Variants in ZNF257 observed in about 807,000 individuals in gnomAD.
ZNF257 encodes zinc finger protein 257.
Under a neutral mutation model 11.9 loss-of-function variants are expected in ZNF257, and 12 were observed. The observed-to-expected ratio is 1.01, with a 90% CI of 0.65 to 1.63. ZNF257 has a LOEUF of 1.63. ZNF257 is among the 40% of genes most tolerant of loss of function. The pLI, the probability that ZNF257 is intolerant of heterozygous loss-of-function variation, is 0.00. For missense variants in ZNF257, 580 were observed against 665.5 expected (o/e 0.87, Z 1.41); for synonymous variants, 183 against 222.7 (o/e 0.82, Z 1.59).
chr19:22,059,477 G>A (rs2021733950), intron 1 of ZNF257, among the ~76,000 whole-genome samples: 1 of 151,812 alleles, frequency 6.6e-6, no homozygotes, highest in Admixed American at 6.6e-5. Flanking sequence ...TGGAGGGACG[G>A]GGTTTCACCA....
Position 22,087,993 on chromosome 19 carries a change from T to G in ZNF257, c.243T>G (p.Ile81Met). ...TTCTTTTAGTTATGTGTTCTCATAT[T>G]GCTGAAGACCTTTGCCCAGAGCGAG... ...VAKPPVMCSHIAEDLCPERDI... is the reference protein window; with the variant it reads ...VAKPPVMCSHMAEDLCPERDI... Residue 81 changes from isoleucine (I) to methionine (M), a missense_variant, in exon 4 of 4, where the codon ATT (isoleucine) becomes ATG (methionine). Coordinates refer to ENST00000594947, the MANE Select transcript of ZNF257 (RefSeq NM_033468.4). The G allele has an allele frequency of 1.3e-6, 2 of 1,505,028 alleles. No individual in the cohort carries two copies. Among genetic ancestry groups the G allele is most frequent in the South Asian group, 2.8e-5 (2 of 70,180 alleles). 93.2% of individuals were successfully genotyped at this position (1,505,028 alleles called of 1,614,324 possible).
In ZNF257 at chr19:22,056,054, C is replaced by CAAA. The variant is rs139730834; in HGVS notation, c.3+3434_3+3436dup. Among the ~76,000 whole-genome samples, 30 of 116,622 alleles carry CAAA rather than the reference C, an allele frequency of 2.6e-4. 1 individual carries two copies. Among genetic ancestry groups the CAAA allele is most frequent in the South Asian group, 1.6e-3 (6 of 3,802 alleles). 76.5% of individuals were successfully genotyped at this position (116,622 alleles called of 152,430 possible). A position where few individuals can be genotyped will look rare whatever the true frequency, so the allele number is the denominator to read the frequency against. On this transcript the variant is annotated intron_variant, in intron 1 of 3. Coordinates refer to ENST00000594947, the MANE Select transcript of ZNF257 (RefSeq NM_033468.4). ...TGGGCGACAGAGCGAGACTCCGTCT[C>CAAA]AAAAAAAAAAAAAAAAAGAAAAGAA...
chr19:22,088,814 G>T lies in ZNF257; in HGVS notation c.1064G>T (p.Arg355Leu). The T allele has an allele frequency of 1.2e-6, 2 of 1,607,432 alleles. No homozygotes were observed. The highest frequency in any genetic ancestry group is 1.4e-5 in the African/African-American group (1 of 72,952). The change falls in exon 4 of 4, where the codon CGG becomes CTG. Residue 355 changes from arginine to leucine, a missense_variant. Coordinates refer to ENST00000594947, the MANE Select transcript of ZNF257 (RefSeq NM_033468.4). ...QCEECGKAFN[R>L]SSHLTQHKII... ...GAAGAGTGTGGCAAAGCTTTTAACC[G>T]GTCTTCACACCTTACTCAACATAAG...
At chr19:22,075,258 GT>G in intron 3 of ZNF257, 2 of 164,766 alleles carry the variant, frequency 1.2e-5, no homozygotes, top group Non-Finnish European at 2.6e-5. Context: ...ACTAGGGCAG[GT>G]TTTTGCAGTA....
In ZNF257 at chr19:22,089,417, C is replaced by T. The variant is rs1231671702; in HGVS notation, c.1667C>T (p.Ser556Leu). ...EECGKACNHS[S>L]NLTKHNS ...TGTGGCAAAGCTTGTAACCATTCCTCAAACCTTACTAAACATAATTCATAA... is the reference window on the plus strand; with the variant it reads ...TGTGGCAAAGCTTGTAACCATTCCTTAAACCTTACTAAACATAATTCATAA... Residue 556 changes from serine to leucine, a missense_variant, in exon 4 of 4, where the codon TCA (serine) becomes TTA (leucine). Physicochemically the swap from Ser to Leu is moderately radical, Grantham distance 145. Transcript: ENST00000594947. 1.9e-6 allele frequency: 3 copies of T among 1,610,184 alleles called. No individual in the cohort carries two copies. The highest frequency in any genetic ancestry group is 2.7e-5 in the African/African-American group (2 of 74,650).
chr19:22,071,848 C>G (rs2022110794), intron 1 of ZNF257, among the ~76,000 whole-genome samples: 1 of 151,978 alleles, frequency 6.6e-6, no homozygotes, highest in Admixed American at 6.6e-5. Flanking sequence ...TGTTGAGGTT[C>G]CATCTGTGTT....
intron 3 of ZNF257, 70 bp from the exon 4 acceptor site, chr19:22,087,907 G>T (rs2022511519): frequency 7.3e-7 from 1 of 1,375,680 alleles, no homozygotes; most frequent in East Asian, 2.3e-5. Context: ...CAGTTTTATA[G>T]GTTAGATTTG....
chr19:22,052,776 G>A, intron 1 of ZNF257, 141 bp downstream of exon 1: 1 of 961,604 alleles, frequency 1.0e-6, no homozygotes, highest in South Asian at 1.4e-5. Context: ...GCTCGGCCTC[G>A]GTCCCCCTCA....
intron 3 of ZNF257, among the ~76,000 whole-genome samples, chr19:22,076,641 T>C (rs1284498683): frequency 6.6e-6 from 1 of 152,188 alleles, no homozygotes. Flanking sequence ...GTAAACATTT[T>C]ACTTATTGTT....
intron 3 of ZNF257, among the ~76,000 whole-genome samples, chr19:22,076,510 C>G (rs976241769): frequency 6.6e-6 from 1 of 152,096 alleles, no homozygotes; most frequent in African/African-American, 2.4e-5. Flanking sequence ...TACTGCCACA[C>G]AGTGCCTGTC....
In ZNF257 at chr19:22,052,501, A is replaced by G. The variant is rs1971726986; in HGVS notation, c.-132A>G. 9.3e-7 allele frequency: 1 copy of G among 1,079,954 alleles called. No individual in the cohort carries two copies. Among genetic ancestry groups the G allele is most frequent in the Non-Finnish European group, 1.4e-6 (1 of 726,956 alleles). The allele number at this position is 1,079,954 out of a possible 1,614,324, so 66.9% of individuals were successfully genotyped here. A position where few individuals can be genotyped will look rare whatever the true frequency, so the allele number is the denominator to read the frequency against. On this transcript the variant is annotated 5_prime_UTR_variant, in exon 1 of 4. Transcript: ENST00000594947. ...TGGCGGGTACTTTGTCTCTCGCTCT[A>G]GCCCGAGCTGCAGGTCTCGTCTTCC...
At chr19:22,069,415 C>A (rs1397627692) in intron 1 of ZNF257, among the ~76,000 whole-genome samples, 2 of 151,878 alleles carry the variant, frequency 1.3e-5, no homozygotes, top group Non-Finnish European at 2.9e-5. Flanking sequence ...GAGTTCGAGA[C>A]CAGCCTGGCC....
At chr19:22,084,333 A>G (rs1384921538) in intron 3 of ZNF257, among the ~76,000 whole-genome samples, 2 of 151,950 alleles carry the variant, frequency 1.3e-5, no homozygotes, top group African/African-American at 4.8e-5. Flanking sequence ...GTTGCATTCT[A>G]TTTGATTTGT....
chr19:22,089,579 A>C lies in ZNF257; in HGVS notation c.*137A>C. The stretch of plus-strand genomic sequence containing the variant: ...GTGGCCTGGCTTTTAACAAATCCTC[A>C]ACATTTACTAAGCATAAAATAATTC... On this transcript the variant is annotated 3_prime_UTR_variant, in exon 4 of 4. Transcript: ENST00000594947. 6.8e-7 allele frequency: 1 copy of C among 1,463,984 alleles called. No individual in the cohort carries two copies. 90.7% of individuals were successfully genotyped at this position (1,463,984 alleles called of 1,614,324 possible). A position where few individuals can be genotyped will look rare whatever the true frequency, so the allele number is the denominator to read the frequency against.
intron 3 of ZNF257, among the ~76,000 whole-genome samples, chr19:22,079,256 A>T (rs901486080): frequency 6.6e-6 from 1 of 152,102 alleles, no homozygotes; most frequent in African/African-American, 2.4e-5. Flanking sequence ...TCAGTACCAC[A>T]TCGTTTTTAT....
intron 3 of ZNF257, among the ~76,000 whole-genome samples, chr19:22,083,377 A>G (rs1392263310): frequency 6.6e-6 from 1 of 152,076 alleles, no homozygotes. Flanking sequence ...AAGCCGAGAC[A>G]GGAGAATTGC....
intron 1 of ZNF257, among the ~76,000 whole-genome samples, chr19:22,071,216 C>G (rs2022095142): frequency 6.6e-6 from 1 of 152,054 alleles, no homozygotes; most frequent in South Asian, 2.1e-4. Flanking sequence ...GTGTCTGTGG[C>G]AGAGGAGGGC....
At position 22,089,385 on chromosome 19, in the gene ZNF257, T is replaced by G. The variant is rs771360749; in HGVS notation, c.1635T>G (p.Tyr545Ter). 1.2e-6 allele frequency: 2 copies of G among 1,612,818 alleles called. No individual in the cohort carries two copies. The highest frequency in any genetic ancestry group is 1.7e-6 in the Non-Finnish European group (2 of 1,179,406). ...RIHAGENPNKYEECGKACNHS... is the reference protein window; with the variant it reads ...RIHAGENPNK Reference sequence around the variant, plus strand: ...ATGCTGGAGAGAACCCCAACAAATATGAAGAATGTGGCAAAGCTTGTAACC... The same window carrying G: ...ATGCTGGAGAGAACCCCAACAAATAGGAAGAATGTGGCAAAGCTTGTAACC... The change falls in exon 4 of 4, where the codon TAT becomes TAG. Residue 545 changes from tyrosine to a stop codon, truncating the protein, a stop_gained. Transcript: ENST00000594947. LOFTEE classifies it low-confidence loss of function (END_TRUNC).
At chr19:22,083,376 CAGG>C (rs1376292626) in intron 3 of ZNF257, among the ~76,000 whole-genome samples, 2 of 152,070 alleles carry the variant, frequency 1.3e-5, no homozygotes, top group Non-Finnish European at 1.5e-5. Context: ...GAAGCCGAGA[CAGG>C]AGAATTGCTT....
Sources: allele counts gnomAD v4.1 joint callset (sites outside exome capture counted in the v4.1 genomes callset), GRCh38; gene constraint gnomAD v4.1.1; transcripts MANE v1.5; gene names NCBI Gene and HGNC (gene_info 2026-07-23, HGNC 2026-07-21).